Variants in ARIH1 observed in about 807,000 individuals in gnomAD.
The protein encoded by ARIH1 is ariadne RBR E3 ubiquitin protein ligase 1.
A neutral mutation model predicts 85.0 loss-of-function variants in ARIH1; 8 were observed. The observed-to-expected ratio is 0.09, with a 90% CI of 0.06 to 0.17. The LOEUF is 0.17. Ranked by LOEUF, ARIH1 falls within the 10% of genes least tolerant of loss-of-function variation. The probability of loss-of-function intolerance (pLI) is 1.00; values close to 1 mark genes in which losing one functional copy is unlikely to be tolerated. For synonymous variants in ARIH1, 238 were observed against 253.6 expected (o/e 0.94, Z 0.59); for missense variants, 311 against 718.1 (o/e 0.43, Z 6.48).
intron 1 of ARIH1, among the ~76,000 whole-genome samples, chr15:72,510,048 C>T (rs560663096): frequency 1.6e-4 from 25 of 152,254 alleles, no homozygotes; most frequent in African/African-American, 6.0e-4. Context: ...TCCTGAGTAC[C>T]TGGGACTACA....
rs1256837623 is a variant in ARIH1 at position 72,595,159 on chromosome 15, C to T, written c.*11867C>T. 2.0e-5 allele frequency: 3 copies of T among 152,188 alleles called. No homozygotes were observed. Among genetic ancestry groups the T allele is most frequent in the Non-Finnish European group, 4.4e-5 (3 of 68,044 alleles). 9.4% of individuals were successfully genotyped at this position (152,188 alleles called of 1,614,324 possible). ...CAAACTGTGGCCCATGGGCCAGATC[C>T]AGCCCATGGACAGTTTTGTTGTTGC... On this transcript the variant is annotated 3_prime_UTR_variant, in exon 14 of 14. Coordinates refer to ENST00000379887, the MANE Select transcript of ARIH1 (RefSeq NM_005744.5).
chr15:72,524,948 A>C (rs916549739), intron 2 of ARIH1, among the ~76,000 whole-genome samples: 7 of 152,060 alleles, frequency 4.6e-5, no homozygotes, highest in African/African-American at 1.7e-4. Context: ...GCAGTGGTGC[A>C]ATCTTGGCTC....
intron 1 of ARIH1, among the ~76,000 whole-genome samples, chr15:72,486,694 C>CTTTTTTTTTT (rs34770375): frequency 3.2e-5 from 3 of 92,850 alleles, no homozygotes; most frequent in African/African-American, 4.3e-5. Flanking sequence ...TTAAAAATGA[C>CTTTTTTTTTT]TTTTTTTTTT....
rs941721332 is a variant in ARIH1 at position 72,587,082 on chromosome 15, C to A, written c.*3790C>A. On this transcript the variant is annotated 3_prime_UTR_variant, in exon 14 of 14. Transcript: ENST00000379887. ...TGGATCTGTAATTATGGGAGTTTATCACTTTTCCTCTTCAAAGCACTTCAA... is the reference window on the plus strand; with the variant it reads ...TGGATCTGTAATTATGGGAGTTTATAACTTTTCCTCTTCAAAGCACTTCAA... 4 of 409,900 alleles carry A rather than the reference C, an allele frequency of 9.8e-6. No individual in the cohort carries two copies. Among genetic ancestry groups the A allele is most frequent in the Non-Finnish European group, 1.9e-5 (4 of 210,876 alleles). 25.4% of individuals were successfully genotyped at this position (409,900 alleles called of 1,614,324 possible).
rs771188265 is a variant in ARIH1 at position 72,582,143 on chromosome 15, A to G, written c.1545A>G (p.Gln515=). 4 of 1,613,568 alleles carry G rather than the reference A, an allele frequency of 2.5e-6. No homozygotes were observed. The highest frequency in any genetic ancestry group is 3.4e-6 in the Non-Finnish European group (4 of 1,179,616). Residue 515 remains glutamine (Q), a synonymous_variant, in exon 13 of 14, where the codon CAA becomes CAG. Coordinates refer to ENST00000379887, the MANE Select transcript of ARIH1 (RefSeq NM_005744.5). This position sits in a 1 kb window ranked among gnomAD's most constrained non-coding sequence, Gnocchi z 4.6. The part of the protein sequence containing the change: ...LSGYLERDIS[Q]DSLQDIKQKV... ...GCTACCTTGAACGAGATATTTCCCAAGATTCTCTGCAGGATATAAAGCAGA... is the reference window on the plus strand; with the variant it reads ...GCTACCTTGAACGAGATATTTCCCAGGATTCTCTGCAGGATATAAAGCAGA...
intron 5 of ARIH1, among the ~76,000 whole-genome samples, chr15:72,559,463 G>A (rs2064188703): frequency 6.6e-6 from 1 of 151,960 alleles, no homozygotes. Flanking sequence ...GTAGAGACGA[G>A]GTTTCACCAT....
chr15:72,496,656 A>G lies in ARIH1; in HGVS notation c.376-21411A>G, dbSNP rs555403752. On this transcript the variant is annotated intron_variant, in intron 1 of 13. Coordinates refer to ENST00000379887, the MANE Select transcript of ARIH1 (RefSeq NM_005744.5). ...AAATACCAAGTTCAGGTATTTTACT[A>G]TGGAATATAGATAGGGGTGTTTTCT... is the stretch of plus-strand genomic sequence containing the variant. The G allele has an allele frequency of 5.7e-4, 116 of 203,368 alleles. 1 individual carries two copies. In the Middle Eastern group the frequency reaches 7.7e-3, roughly 13 times the overall value. The allele number at this position is 203,368 out of a possible 1,614,324, so 12.6% of individuals were successfully genotyped here.
At chr15:72,503,174 A>G (rs1191308832) in intron 1 of ARIH1, among the ~76,000 whole-genome samples, 1 of 152,136 alleles carries the variant, frequency 6.6e-6, no homozygotes, top group Non-Finnish European at 1.5e-5. Context: ...CAATTATAAT[A>G]TATATGTGGG....
chr15:72,523,420 G>A (rs2064009706), intron 2 of ARIH1, among the ~76,000 whole-genome samples: 1 of 152,054 alleles, frequency 6.6e-6, no homozygotes, highest in Non-Finnish European at 1.5e-5. Context: ...TTCCACCTAT[G>A]TGACACTCTG....
intron 2 of ARIH1, among the ~76,000 whole-genome samples, chr15:72,542,783 A>G (rs540714277): frequency 2.6e-4 from 40 of 152,122 alleles, no homozygotes; most frequent in Non-Finnish European, 5.1e-4. Context: ...CCTGTTGTCA[A>G]ATTTTGGATG....
chr15:72,577,572 A>G (rs1191554331), intron 11 of ARIH1, among the ~76,000 whole-genome samples: 1 of 151,976 alleles, frequency 6.6e-6, no homozygotes, highest in Non-Finnish European at 1.5e-5. Flanking sequence ...ACTTGGGAAG[A>G]TAAGGCAGGA....
chr15:72,503,963 G>A (rs776636029), intron 1 of ARIH1, among the ~76,000 whole-genome samples: 30 of 152,350 alleles, frequency 2.0e-4, no homozygotes, highest in Middle Eastern at 3.4e-3. Context: ...TGTGGACAGC[G>A]GTGTGTTACC....
intron 11 of ARIH1, among the ~76,000 whole-genome samples, chr15:72,579,012 GAGCT>G (rs1310180215): frequency 6.6e-6 from 1 of 151,822 alleles, no homozygotes; most frequent in Admixed American, 6.6e-5. Context: ...TCAAACTCCT[GAGCT>G]CAGGCAATCC....
intron 1 of ARIH1, among the ~76,000 whole-genome samples, chr15:72,475,755 G>A (rs188341336): frequency 4.3e-4 from 66 of 152,304 alleles, no homozygotes; most frequent in Non-Finnish European, 4.1e-4. Context: ...AAAACGCAGT[G>A]TTGTCTAATA....
At chr15:72,475,400 G>A (rs375615589) in intron 1 of ARIH1, among the ~76,000 whole-genome samples, 1 of 152,212 alleles carries the variant, frequency 6.6e-6, no homozygotes. Flanking sequence ...GGGCCCTGAC[G>A]GGACTTACCC....
Position 72,597,870 on chromosome 15 carries a change from C to G in ARIH1, c.*14578C>G, listed in dbSNP as rs2064368984. ...TAGTATTCCTCTTCCTACCATAGTTCAACTAGGAATAACAACAGCTAGGGG... is the reference window on the plus strand; with the variant it reads ...TAGTATTCCTCTTCCTACCATAGTTGAACTAGGAATAACAACAGCTAGGGG... On this transcript the variant is annotated 3_prime_UTR_variant, in exon 14 of 14. Coordinates refer to ENST00000379887, the MANE Select transcript of ARIH1 (RefSeq NM_005744.5). 1 of 152,158 alleles carries G rather than the reference C, an allele frequency of 6.6e-6. No homozygotes were observed. Among genetic ancestry groups the G allele is most frequent in the South Asian group, 2.1e-4 (1 of 4,826 alleles). The allele number at this position is 152,158 out of a possible 1,614,324, so 9.4% of individuals were successfully genotyped here.
In ARIH1 at chr15:72,572,122, G is replaced by A. The variant is rs753804913; in HGVS notation, c.1172G>A (p.Arg391His). ...PHGSAWYNCNRYNEDDAKAAR... is the reference protein window; with the variant it reads ...PHGSAWYNCNHYNEDDAKAAR... ...TTTACTTGAAGGTACAACTGTAACC[G>A]CTATAATGAGGATGATGCAAAGGCA... is the stretch of plus-strand genomic sequence containing the variant. Residue 391 changes from arginine (R) to histidine (H), a missense_variant, in exon 11 of 14, where the codon CGC becomes CAC. Physicochemically the swap from Arg to His is conservative, Grantham distance 29. Transcript: ENST00000379887. 6.2e-7 allele frequency: 1 copy of A among 1,606,508 alleles called. No individual in the cohort carries two copies. The highest frequency in any genetic ancestry group is 1.1e-5 in the South Asian group (1 of 90,566).
intron 1 of ARIH1, among the ~76,000 whole-genome samples, chr15:72,509,542 T>C (rs2063941160): frequency 1.3e-5 from 2 of 152,094 alleles, no homozygotes; most frequent in Non-Finnish European, 2.9e-5. Context: ...CTTTAATATT[T>C]GGCAGCTCTG....
At chr15:72,503,558 G>A (rs143143569) in intron 1 of ARIH1, among the ~76,000 whole-genome samples, 40 of 152,170 alleles carry the variant, frequency 2.6e-4, no homozygotes, top group African/African-American at 9.2e-4. Flanking sequence ...ATTCTTTCCC[G>A]TAACTAAGCA....
Sources: gnomAD v4.1 joint callset for allele counts (sites outside exome capture counted in the v4.1 genomes callset) on GRCh38, gnomAD v4.1.1 for gene constraint, Gnocchi (gnomAD v3.1) non-coding constraint, MANE v1.5 for transcripts, NCBI Gene and HGNC (gene_info 2026-07-23, HGNC 2026-07-21) for gene names.